Variants in BMPR2 observed in about 807,000 individuals in gnomAD.
BMPR2 encodes the protein bone morphogenetic protein receptor type-2.
In BMPR2, 29 loss-of-function variants were observed where a neutral mutation model predicts 100.8. That is an observed-to-expected ratio of 0.29 (90% CI 0.21 to 0.39). The LOEUF (loss-of-function observed/expected upper bound fraction) is 0.39, where lower values mean the gene tolerates loss of function less well. Ranked by LOEUF, BMPR2 falls within the 10% of genes least tolerant of loss-of-function variation. BMPR2 has a pLI of 1.00. For missense variants in BMPR2, 1,011 were observed against 1,274.5 expected (o/e 0.79, Z 3.15); for synonymous variants, 382 against 442.3 (o/e 0.86, Z 1.71).
chr2:202,464,159 CA>C (rs71406983), intron 1 of BMPR2, among the ~76,000 whole-genome samples: 9,002 of 62,796 alleles, frequency 0.14, 97 homozygotes, highest in Non-Finnish European at 0.19. Flanking sequence ...AACTCTGTCT[CA>C]AAAAAAAAAA....
intron 1 of BMPR2, among the ~76,000 whole-genome samples, chr2:202,451,231 A>G (rs921247866): frequency 2.0e-5 from 3 of 152,198 alleles, no homozygotes; most frequent in Non-Finnish European, 4.4e-5. Flanking sequence ...TATAGATCCT[A>G]CTTTTCAATT....
chr2:202,515,700 G>A (rs1687699906), intron 5 of BMPR2, among the ~76,000 whole-genome samples: 1 of 151,958 alleles, frequency 6.6e-6, no homozygotes, highest in Non-Finnish European at 1.5e-5. Context: ...GACCAGCCTG[G>A]CCAACATGGT....
intron 1 of BMPR2, among the ~76,000 whole-genome samples, chr2:202,438,471 C>G (rs1163797219): frequency 6.7e-6 from 1 of 150,294 alleles, no homozygotes; most frequent in Non-Finnish European, 1.5e-5. Context: ...ATTTTGTTGA[C>G]ATTCTATCTA....
rs1688044833 is a variant in BMPR2, at chr2:202,532,376, A to G, written c.1129-209A>G. Among the ~76,000 whole-genome samples the G allele has an allele frequency of 6.6e-6, 1 of 152,224 alleles. No individual in the cohort carries two copies. On this transcript the variant is annotated intron_variant, in intron 8 of 12. Transcript: ENST00000374580. The surrounding 1 kb of genome is among the most constrained non-coding windows in gnomAD (Gnocchi z 4.1). ...CTAGCTCATTCTTTTTGATTGATTAATAGTATTCACTAAAATGGATTTACC... is the reference window on the plus strand; with the variant it reads ...CTAGCTCATTCTTTTTGATTGATTAGTAGTATTCACTAAAATGGATTTACC...
At chr2:202,424,486 A>G (rs949121455) in intron 1 of BMPR2, among the ~76,000 whole-genome samples, 1 of 151,950 alleles carries the variant, frequency 6.6e-6, no homozygotes, top group African/African-American at 2.4e-5. Flanking sequence ...TCACGAGGCC[A>G]GGAGTTCGAG....
chr2:202,410,232 G>A (rs941112837), intron 1 of BMPR2, among the ~76,000 whole-genome samples: 3 of 151,938 alleles, frequency 2.0e-5, no homozygotes, highest in African/African-American at 7.3e-5. Flanking sequence ...TGATCCGCCC[G>A]CCTCGGCTTC....
intron 1 of BMPR2, among the ~76,000 whole-genome samples, chr2:202,419,893 A>G (rs1273187693): frequency 6.6e-6 from 1 of 152,218 alleles, no homozygotes; most frequent in Non-Finnish European, 1.5e-5. Flanking sequence ...TCATGCCTGT[A>G]ATACGCGCAC....
At chr2:202,380,478 TG>T (rs1690258740) in intron 1 of BMPR2, among the ~76,000 whole-genome samples, 1 of 152,134 alleles carries the variant, frequency 6.6e-6, no homozygotes, top group Non-Finnish European at 1.5e-5. Context: ...CAGAATTACC[TG>T]GGGTTCTTGA....
intron 11 of BMPR2, 109 bp downstream of exon 11, chr2:202,552,997 T>A: frequency 1.5e-6 from 2 of 1,317,828 alleles, no homozygotes; most frequent in Admixed American, 1.8e-5. Flanking sequence ...AATGATTACC[T>A]CATACAATCT....
At chr2:202,465,093 T>C in intron 2 of BMPR2, 114 bp downstream of exon 2, 1 of 1,378,270 alleles carries the variant, frequency 7.3e-7, no homozygotes, top group Admixed American at 1.8e-5. Context: ...AATTTAAAAG[T>C]GTATATATAA....
At chr2:202,381,512 C>T (rs1690292476) in intron 1 of BMPR2, among the ~76,000 whole-genome samples, 2 of 152,164 alleles carry the variant, frequency 1.3e-5, no homozygotes, top group Admixed American at 6.6e-5. Context: ...TCCTAACATC[C>T]CATTGGCTGA....
intron 1 of BMPR2, among the ~76,000 whole-genome samples, chr2:202,379,401 G>A (rs1319388279): frequency 6.6e-6 from 1 of 152,132 alleles, no homozygotes; most frequent in African/African-American, 2.4e-5. Flanking sequence ...TATAGTGTGC[G>A]CCCTCACATA....
At chr2:202,559,524 A>C (rs1194551930) in intron 12 of BMPR2, among the ~76,000 whole-genome samples, 172 bp from the exon 13 acceptor site, 1 of 152,176 alleles carries the variant, frequency 6.6e-6, no homozygotes, top group African/African-American at 2.4e-5. Flanking sequence ...GAGTCTCAAA[A>C]ATAAGTTGGT....
At chr2:202,438,208 G>T (rs1361925554) in intron 1 of BMPR2, among the ~76,000 whole-genome samples, 2 of 150,428 alleles carry the variant, frequency 1.3e-5, no homozygotes, top group Admixed American at 6.6e-5. Context: ...AGCTACTCAG[G>T]AGGCTGAGGC....
At chr2:202,464,041 G>A (rs904140418) in intron 1 of BMPR2, among the ~76,000 whole-genome samples, 3 of 151,242 alleles carry the variant, frequency 2.0e-5, no homozygotes, top group Non-Finnish European at 4.4e-5. Context: ...TGCCTGTAAT[G>A]CCAGCTACTC....
In BMPR2 at chr2:202,495,116, C is replaced by T. The variant is rs2105985302; in HGVS notation, c.419-18603C>T. 6.6e-6 allele frequency among the ~76,000 whole-genome samples: 1 copy of T among 152,300 alleles called. No individual in the cohort carries two copies. Among genetic ancestry groups the T allele is most frequent in the East Asian group, 1.9e-4 (1 of 5,190 alleles). On this transcript the variant is annotated intron_variant, in intron 3 of 12. Coordinates refer to ENST00000374580, the MANE Select transcript of BMPR2 (RefSeq NM_001204.7). The surrounding 1 kb of genome is among the most constrained non-coding windows in gnomAD (Gnocchi z 4.5). ...TGTTACAGGGTGCTCTTTTAGTTTG[C>T]CATCTATAGGCGGCTTGTGTTAGCT...
intron 3 of BMPR2, among the ~76,000 whole-genome samples, chr2:202,476,313 T>C (rs1478752814): frequency 6.6e-6 from 1 of 152,170 alleles, no homozygotes; most frequent in South Asian, 2.1e-4. Context: ...TAATGTGCTC[T>C]CTGATTACTG....
intron 1 of BMPR2, among the ~76,000 whole-genome samples, chr2:202,424,070 CAAAAAAAAAAAA>C (rs773518674): frequency 1.7e-5 from 1 of 58,774 alleles, no homozygotes; most frequent in Non-Finnish European, 3.0e-5. Context: ...AAGACTGTCT[CAAAAAAAAAAAA>C]AAAAAAAAAG....
At chr2:202,518,028 G>A (rs552300457) in intron 5 of BMPR2, among the ~76,000 whole-genome samples, 371 of 132,046 alleles carry the variant, frequency 2.8e-3, no homozygotes, top group Non-Finnish European at 5.2e-3. Flanking sequence ...GGGTTTTACC[G>A]TGTTAGCCAG....
Sources: gnomAD v4.1 joint callset for allele counts (sites outside exome capture counted in the v4.1 genomes callset) on GRCh38, gnomAD v4.1.1 for gene constraint, Gnocchi (gnomAD v3.1) non-coding constraint, MANE v1.5 for transcripts, NCBI Gene and HGNC (gene_info 2026-07-23, HGNC 2026-07-21) for gene names.